The following TBCD variants were observed in gnomAD, a reference collection of about 807,000 sequenced individuals.
TBCD encodes the protein tubulin folding cofactor D.
Under a neutral mutation model 169.3 loss-of-function variants are expected in TBCD, and 105 were observed. That is an observed-to-expected ratio of 0.62 (90% CI 0.53 to 0.73). The LOEUF is 0.73. TBCD is among the 30% of genes least tolerant of loss of function. The pLI, the probability that TBCD is intolerant of heterozygous loss-of-function variation, is 0.00. For missense variants in TBCD, 1,444 were observed against 1,600.1 expected (o/e 0.90, Z 1.66); for synonymous variants, 700 against 643.9 (o/e 1.09, Z -1.32).
At chr17:82,834,017 T>C (rs1281190241) in intron 13 of TBCD, among the ~76,000 whole-genome samples, 1 of 151,998 alleles carries the variant, frequency 6.6e-6, no homozygotes, top group Non-Finnish European at 1.5e-5. Context: ...CAATCTCAGC[T>C]CACTGCAACC....
chr17:82,815,434 C>T (rs1260048404), intron 13 of TBCD, among the ~76,000 whole-genome samples: 2 of 152,222 alleles, frequency 1.3e-5, no homozygotes, highest in African/African-American at 4.8e-5. Context: ...GGAGATGAGG[C>T]TCACGCCAGC....
rs2057019730 is a variant in TBCD at position 82,864,645 on chromosome 17, G to T, written c.1319-5579G>T. Among the ~76,000 whole-genome samples, 1 of 152,214 alleles carries T rather than the reference G, an allele frequency of 6.6e-6. No homozygotes were observed. The highest frequency in any genetic ancestry group is 1.9e-4 in the East Asian group (1 of 5,198). ...TTCACAGGCACAGGTGGGGAGAGTT[G>T]CTGGGCCAGCGTGGCTGGGTGACTT... is the stretch of plus-strand genomic sequence containing the variant. On this transcript the variant is annotated intron_variant, in intron 13 of 38. Transcript: ENST00000355528. The surrounding 1 kb of genome is among the most constrained non-coding windows in gnomAD (Gnocchi z 6.3).
chr17:82,897,760 T>G (rs1250303239), intron 17 of TBCD, among the ~76,000 whole-genome samples: 1 of 152,200 alleles, frequency 6.6e-6, no homozygotes, highest in Non-Finnish European at 1.5e-5. Flanking sequence ...TGCAGGTAGC[T>G]TCCTTCATCT....
intron 12 of TBCD, among the ~76,000 whole-genome samples, chr17:82,810,787 T>C (rs1439021276): frequency 6.6e-6 from 1 of 152,264 alleles, no homozygotes; most frequent in Admixed American, 6.5e-5. Context: ...TGGCGAAAGC[T>C]GTGCTGTCAG....
At chr17:82,870,870 G>A (rs373241999) in intron 14 of TBCD, among the ~76,000 whole-genome samples, 1 of 152,276 alleles carries the variant, frequency 6.6e-6, no homozygotes, top group Non-Finnish European at 1.5e-5. Context: ...GGACATGGCA[G>A]TCTTCAGATG....
intron 6 of TBCD, among the ~76,000 whole-genome samples, chr17:82,777,123 T>C (rs945762090): frequency 2.0e-5 from 3 of 152,192 alleles, no homozygotes; most frequent in African/African-American, 4.8e-5. Flanking sequence ...TATTTAGTTA[T>C]TTTTACTTTT....
intron 14 of TBCD, among the ~76,000 whole-genome samples, chr17:82,877,506 A>C (rs1276218836): frequency 6.6e-6 from 1 of 151,930 alleles, no homozygotes; most frequent in African/African-American, 2.4e-5. Context: ...CCCCCGATTA[A>C]GTTTTTTGTA....
intron 17 of TBCD, among the ~76,000 whole-genome samples, chr17:82,896,307 A>C (rs1156537791): frequency 6.6e-6 from 1 of 151,534 alleles, no homozygotes; most frequent in African/African-American, 2.4e-5. Flanking sequence ...GTCTGTCTCC[A>C]CTCACCTGGT....
chr17:82,861,133 G>T (rs919719623), intron 13 of TBCD, among the ~76,000 whole-genome samples: 1 of 152,086 alleles, frequency 6.6e-6, no homozygotes. Context: ...TGCTGGTGGG[G>T]GTCAGCTGCA....
chr17:82,809,021 C>T (rs1186087342), intron 11 of TBCD, among the ~76,000 whole-genome samples: 3 of 151,972 alleles, frequency 2.0e-5, no homozygotes, highest in African/African-American at 4.8e-5. Context: ...CTCTCCCATG[C>T]GTCTGTGCTG....
intron 5 of TBCD, among the ~76,000 whole-genome samples, chr17:82,769,124 C>G (rs75623390): frequency 6.6e-6 from 1 of 152,078 alleles, no homozygotes; most frequent in Non-Finnish European, 1.5e-5. Context: ...TTCTGTGGGT[C>G]GGGAGTCTGG....
intron 17 of TBCD, 128 bp from the exon 18 acceptor site, chr17:82,900,523 T>C: frequency 1.4e-6 from 1 of 714,744 alleles, no homozygotes. Flanking sequence ...AGGGAATGGC[T>C]GGATCACGTG....
chr17:82,872,236 G>A (rs574145414), intron 14 of TBCD, among the ~76,000 whole-genome samples: 25 of 152,320 alleles, frequency 1.6e-4, no homozygotes, highest in East Asian at 5.8e-4. Flanking sequence ...GCTCCTCTTC[G>A]GAGGAGAACA....
At chr17:82,873,391 G>T (rs1422760407) in intron 14 of TBCD, among the ~76,000 whole-genome samples, 1 of 152,128 alleles carries the variant, frequency 6.6e-6, no homozygotes, top group Non-Finnish European at 1.5e-5. Context: ...CGGAACCCAG[G>T]GTCGTGTATG....
chr17:82,777,056 T>C (rs1028041219), intron 6 of TBCD, among the ~76,000 whole-genome samples: 2 of 152,188 alleles, frequency 1.3e-5, no homozygotes, highest in Non-Finnish European at 2.9e-5. Flanking sequence ...TGTTGGCCTT[T>C]TCCTTTTTTT....
chr17:82,836,399 G>A (rs1444503488), intron 13 of TBCD, among the ~76,000 whole-genome samples: 3 of 152,234 alleles, frequency 2.0e-5, no homozygotes, highest in Non-Finnish European at 4.4e-5. Flanking sequence ...CATCAGGATC[G>A]AAACGATGAC....
At position 82,920,426 on chromosome 17, in the gene TBCD, C is replaced by T; in HGVS notation, c.2039-130C>T. ...TCTGGGATGTTTCCAGCCCTGGCAG[C>T]AGGGTAGGTTGGGCGGGTGAGGGGC... On this transcript the variant is annotated intron_variant, in intron 23 of 38. Transcript: ENST00000355528. This position sits in a 1 kb window ranked among gnomAD's most constrained non-coding sequence, Gnocchi z 4.1. 1 of 739,198 alleles carries T rather than the reference C, an allele frequency of 1.4e-6. No individual in the cohort carries two copies. Among genetic ancestry groups the T allele is most frequent in the Non-Finnish European group, 2.3e-6 (1 of 444,426 alleles). 45.8% of individuals were successfully genotyped at this position (739,198 alleles called of 1,614,324 possible).
Position 82,920,619 on chromosome 17 carries a change from G to GT in TBCD, c.2101+2dup. ...CCCTTTAGAGGTGACACCGTAATTG[G>GT]TAAGTGCTTTTGTTTTTAATAATAG... On this transcript the variant is annotated splice_donor_variant, in intron 24 of 38. Coordinates refer to ENST00000355528, the MANE Select transcript of TBCD (RefSeq NM_005993.5). LOFTEE classifies it high-confidence loss of function. The surrounding 1 kb of genome is among the most constrained non-coding windows in gnomAD (Gnocchi z 4.1). The GT allele has an allele frequency of 3.2e-6, 5 of 1,550,372 alleles. No homozygotes were observed. Among genetic ancestry groups the GT allele is most frequent in the Non-Finnish European group, 3.5e-6 (4 of 1,147,212 alleles).
chr17:82,806,445 C>G lies in TBCD; in HGVS notation c.1087+434C>G, dbSNP rs3791166. Among the ~76,000 whole-genome samples, 8 of 152,278 alleles carry G rather than the reference C, an allele frequency of 5.3e-5. No individual in the cohort carries two copies. In the East Asian group the frequency reaches 1.5e-3, roughly 29 times the overall value. On this transcript the variant is annotated intron_variant, in intron 10 of 38. Coordinates refer to ENST00000355528, the MANE Select transcript of TBCD (RefSeq NM_005993.5). The surrounding 1 kb of genome is among the most constrained non-coding windows in gnomAD (Gnocchi z 5.1). ...CCTTGCAGGGGTCTCCATCCACTGC[C>G]CTGTTCTCCTCCTGTGGGGTCTCCT... is the stretch of plus-strand genomic sequence containing the variant.
Sources: allele counts gnomAD v4.1 joint callset (sites outside exome capture counted in the v4.1 genomes callset), GRCh38; gene constraint gnomAD v4.1.1; non-coding constraint Gnocchi (gnomAD v3.1); transcripts MANE v1.5; gene names NCBI Gene and HGNC (gene_info 2026-07-23, HGNC 2026-07-21).